CALN1: variants seen among roughly 807,000 people sequenced by gnomAD.
CALN1 encodes the protein calneuron 1.
Under a neutral mutation model 30.6 loss-of-function variants are expected in CALN1, and 17 were observed. The observed-to-expected ratio is 0.56, with a 90% confidence interval of 0.38 to 0.83. CALN1 has a LOEUF of 0.83. CALN1 is among the 40% of genes least tolerant of loss of function. The pLI is 0.00. For missense variants in CALN1, 291 were observed against 354.9 expected, an observed-to-expected ratio of 0.82 and a Z score of 1.45; for synonymous variants, 156 against 131.4, an observed-to-expected ratio of 1.19 and a Z score of -1.28.
chr7:71,971,945 AAAAAAAAAAAAGAAAGAAAG>A (rs1797830327), intron 5 of CALN1, among the ~76,000 whole-genome samples: 2 of 106,746 alleles, frequency 1.9e-5, no homozygotes, highest in African/African-American at 8.6e-5. Flanking sequence ...AAAAAAAAAA[AAAAAAAAAAAAGAAAGAAAG>A]AAAGAAAGAA....
At chr7:71,918,735 T>TAGG (rs1362569718) in intron 5 of CALN1, among the ~76,000 whole-genome samples, 1 of 152,102 alleles carries the variant, frequency 6.6e-6, no homozygotes, top group African/African-American at 2.4e-5. Context: ...TGAGAGTCAC[T>TAGG]AGGGAAAGGT....
At chr7:72,475,738 A>C in the CALN1 span, among the ~76,000 whole-genome samples, 4 of 152,142 alleles carry the variant, frequency 2.6e-5, no homozygotes, top group South Asian at 2.1e-4. Context: ...GGGATGTTGT[A>C]GAAGAGCCTT....
At chr7:72,029,221 G>T (rs1257368564) in intron 4 of CALN1, among the ~76,000 whole-genome samples, 1 of 151,896 alleles carries the variant, frequency 6.6e-6, no homozygotes, top group African/African-American at 2.4e-5. Context: ...CCGCCTCCCG[G>T]GTTCACGCCA....
chr7:72,483,261 T>TTGG, the CALN1 span, among the ~76,000 whole-genome samples: 1 of 117,092 alleles, frequency 8.5e-6, no homozygotes, highest in African/African-American at 5.3e-5. Context: ...TTGGTTTGGT[T>TTGG]TTTTTCCTTT....
chr7:71,836,772 C>A (rs930675248), intron 5 of CALN1, among the ~76,000 whole-genome samples: 20 of 151,776 alleles, frequency 1.3e-4, no homozygotes, highest in African/African-American at 4.8e-4. Flanking sequence ...CACCCAACAC[C>A]ACGTCCAGCT....
intron 6 of CALN1, among the ~76,000 whole-genome samples, chr7:71,808,464 C>G (rs12699093): frequency 6.6e-6 from 1 of 151,292 alleles, no homozygotes; most frequent in African/African-American, 2.4e-5. Context: ...TTGCTATTAA[C>G]GATCATTATA....
upstream of CALN1, among the ~76,000 whole-genome samples, chr7:72,415,263 T>G (rs1315529332): frequency 6.6e-6 from 1 of 152,280 alleles, no homozygotes; most frequent in Non-Finnish European, 1.5e-5. Flanking sequence ...CACCTGGGTC[T>G]AATTCATACC....
chr7:71,819,272 G>T (rs552521264), intron 5 of CALN1, among the ~76,000 whole-genome samples: 63 of 149,434 alleles, frequency 4.2e-4, no homozygotes, highest in Admixed American at 8.0e-4. Flanking sequence ...GCAGTGGTGC[G>T]ATCTTGGCTC....
At chr7:72,218,372 C>T (rs957975253) in intron 3 of CALN1, among the ~76,000 whole-genome samples, 1 of 151,980 alleles carries the variant, frequency 6.6e-6, no homozygotes, top group Non-Finnish European at 1.5e-5. Context: ...CACTTGAACC[C>T]AGCAGGAGGA....
At chr7:72,262,213 T>C (rs1415734583) in intron 3 of CALN1, among the ~76,000 whole-genome samples, 1 of 152,148 alleles carries the variant, frequency 6.6e-6, no homozygotes, top group Admixed American at 6.5e-5. Context: ...CTACTAACTT[T>C]AAAAGGAGAT....
rs111752886 is a variant in CALN1 at position 71,901,682 on chromosome 7, T to G, written c.502-91190A>C. Among the ~76,000 whole-genome samples, 1,238 of 152,248 alleles carry G rather than the reference T, an allele frequency of 8.1e-3. 17 individuals carry two copies. The highest frequency in any genetic ancestry group is 0.028 in the African/African-American group (1,155 of 41,554). ...CATATACTGGGGAAGGGACACCCTA[T>G]TCAATAAATGGTTCTGGAAAAACTG... On this transcript the variant is annotated intron_variant, in intron 5 of 6. Transcript: ENST00000395275.
At chr7:72,346,636 C>G (rs1432384350) in intron 2 of CALN1, among the ~76,000 whole-genome samples, 1 of 152,102 alleles carries the variant, frequency 6.6e-6, no homozygotes, top group Non-Finnish European at 1.5e-5. Flanking sequence ...CTGCCTCAGC[C>G]TCCCGAGTAG....
chr7:72,013,758 A>G (rs1800223437), intron 5 of CALN1, among the ~76,000 whole-genome samples: 1 of 152,166 alleles, frequency 6.6e-6, no homozygotes. Context: ...TAATGTAATT[A>G]TACTGTAAAT....
intron 3 of CALN1, among the ~76,000 whole-genome samples, chr7:72,227,515 G>A (rs901027256): frequency 1.3e-5 from 2 of 149,948 alleles, no homozygotes; most frequent in African/African-American, 4.9e-5. Context: ...ACTCCAGCCT[G>A]GGTGACAGAG....
intron 1 of CALN1, among the ~76,000 whole-genome samples, chr7:72,419,853 T>C (rs1004953429): frequency 6.6e-6 from 1 of 152,150 alleles, no homozygotes; most frequent in East Asian, 1.9e-4. Flanking sequence ...CAGCCAGACA[T>C]GGCTGAGCTT....
intron 3 of CALN1, among the ~76,000 whole-genome samples, chr7:72,141,254 T>C (rs553385673): frequency 2.0e-5 from 3 of 152,136 alleles, no homozygotes; most frequent in South Asian, 4.2e-4. Context: ...ATTGCACCAC[T>C]GTACTCCAGC....
chr7:72,256,123 G>T (rs1003276428), intron 3 of CALN1, among the ~76,000 whole-genome samples: 1 of 152,146 alleles, frequency 6.6e-6, no homozygotes, highest in African/African-American at 2.4e-5. Flanking sequence ...CTATTAGATG[G>T]GGGCTTTTTT....
chr7:72,501,948 T>TATATATATATATATATATACAC, the CALN1 span, among the ~76,000 whole-genome samples: 63 of 72,342 alleles, frequency 8.7e-4, 4 homozygotes, highest in African/African-American at 4.2e-3. Context: ...TATATATATA[T>TATATATATATATATATATACAC]ACACACATAT....
At position 71,829,150 on chromosome 7, in the gene CALN1, G is replaced by T. The variant is rs190983838; in HGVS notation, c.502-18658C>A. Among the ~76,000 whole-genome samples the T allele has an allele frequency of 1.1e-4, 17 of 152,270 alleles. No homozygotes were observed. In the East Asian group the frequency reaches 3.3e-3, roughly 29 times the overall value. The stretch of plus-strand genomic sequence containing the variant: ...CTCCCTGAGGCTGTGTCACAGGTAC[G>T]CGTCCTTAACCTTGGCAAAATAAAC... On this transcript the variant is annotated intron_variant, in intron 5 of 6. Coordinates refer to ENST00000395275, the MANE Select transcript of CALN1 (RefSeq NM_031468.4).
Sources: allele counts gnomAD v4.1 joint callset (sites outside exome capture counted in the v4.1 genomes callset), GRCh38; gene constraint gnomAD v4.1.1; transcripts MANE v1.5; gene names NCBI Gene and HGNC (gene_info 2026-07-23, HGNC 2026-07-21).